Variants in NDE1 observed in about 807,000 individuals in gnomAD.
NDE1 encodes the protein nudE neurodevelopment protein 1, also known as nuclear distribution protein nudE homolog 1.
In NDE1, 28 loss-of-function variants were observed where a neutral mutation model predicts 43.4. That is an observed-to-expected ratio of 0.65 (90% confidence interval 0.48 to 0.89). The LOEUF is 0.89. Among genes scored for constraint, NDE1 ranks in the 40% least tolerant of loss-of-function variants. The probability of loss-of-function intolerance (pLI) is 0.00; values close to 1 mark genes in which losing one functional copy is unlikely to be tolerated. For synonymous variants in NDE1, 184 were observed against 172.0 expected (o/e 1.07, Z -0.55); for missense variants, 441 against 434.1 (o/e 1.02, Z -0.14).
chr16:15,691,321 G>C lies in NDE1; in HGVS notation c.701G>C (p.Arg234Pro), dbSNP rs138255766. ...SSLNTPGSFR[R>P]GLDDSTGGTP... is the part of the protein sequence containing the mutation. ...TTAAACACACCTGGGAGCTTCAGAC[G>C]TGGTAAGGGGAGTGGGAATTGCAGG... Residue 234 changes from arginine (R) to proline (P), a missense_variant and splice_region_variant, in exon 6 of 9, where the codon CGT becomes CCT. Arg to Pro is a moderately radical substitution (Grantham distance 103, BLOSUM62 -2). Transcript: ENST00000396354. The C allele has an allele frequency of 1.8e-5, 29 of 1,613,900 alleles. No individual in the cohort carries two copies. Among genetic ancestry groups the C allele is most frequent in the Middle Eastern group, 1.6e-4 (1 of 6,084 alleles).
At chr16:15,656,146 A>G (rs2036757415) in intron 1 of NDE1, among the ~76,000 whole-genome samples, 1 of 151,690 alleles carries the variant, frequency 6.6e-6, no homozygotes, top group Admixed American at 6.6e-5. Flanking sequence ...AAAGAAAAAG[A>G]AAAAAAAAGA....
intron 6 of NDE1, 29 bp from the exon 7 acceptor site, chr16:15,694,136 G>T: frequency 1.2e-6 from 2 of 1,611,086 alleles, no homozygotes; most frequent in Non-Finnish European, 8.5e-7. Flanking sequence ...AGGTTGGTGA[G>T]TTACATGCTC....
intron 8 of NDE1, chr16:15,721,157 C>T: frequency 7.8e-7 from 1 of 1,283,784 alleles, no homozygotes; most frequent in Non-Finnish European, 1.1e-6. Flanking sequence ...GTGGCTTTGG[C>T]CTCCCACAGG....
chr16:15,661,383 C>T (rs1402018898), intron 1 of NDE1, among the ~76,000 whole-genome samples: 1 of 152,118 alleles, frequency 6.6e-6, no homozygotes, highest in African/African-American at 2.4e-5. Flanking sequence ...CTCCTAACCT[C>T]GTGATCCACC....
chr16:15,720,296 G>A lies in NDE1; in HGVS notation c.948-3895G>A, dbSNP rs376105806. On this transcript the variant is annotated intron_variant, in intron 8 of 8. Coordinates refer to ENST00000396354, the MANE Select transcript of NDE1 (RefSeq NM_017668.3). ...TTGCTTTCGCTCGTCTTCCAGTTCCGTCTCATACTCGTGAAGCTGGGCGAG... is the reference window on the plus strand; with the variant it reads ...TTGCTTTCGCTCGTCTTCCAGTTCCATCTCATACTCGTGAAGCTGGGCGAG... 22 of 1,613,992 alleles carry A rather than the reference G, an allele frequency of 1.4e-5. No individual in the cohort carries two copies. Among genetic ancestry groups the A allele is most frequent in the South Asian group, 3.3e-5 (3 of 91,068 alleles).
chr16:15,721,325 T>C (rs1012702832), intron 8 of NDE1: 17 of 1,382,906 alleles, frequency 1.2e-5, no homozygotes, highest in Non-Finnish European at 1.6e-5. Context: ...TAGTTCGCTA[T>C]GAAAAAGGCC....
intron 3 of NDE1, among the ~76,000 whole-genome samples, chr16:15,676,313 G>A (rs140110232): frequency 1.4e-5 from 2 of 144,882 alleles, no homozygotes; most frequent in African/African-American, 2.6e-5. Context: ...GTGTTCAAGC[G>A]ATTCTCCCGC....
intron 3 of NDE1, 49 bp downstream of exon 3, chr16:15,667,488 C>G: frequency 6.2e-7 from 1 of 1,606,434 alleles, no homozygotes; most frequent in South Asian, 1.1e-5. Context: ...GCGTCCAACA[C>G]AGGCATGGCA....
intron 3 of NDE1, among the ~76,000 whole-genome samples, chr16:15,668,016 G>A (rs913571308): frequency 1.3e-5 from 2 of 151,358 alleles, no homozygotes; most frequent in African/African-American, 4.9e-5. Flanking sequence ...CCAGACTGGA[G>A]TACAGTGGCT....
chr16:15,720,388 C>G (rs999698534), intron 8 of NDE1: 1 of 1,538,458 alleles, frequency 6.5e-7, no homozygotes. Flanking sequence ...CAGCACATCA[C>G]TGCACCCCTT....
intron 8 of NDE1, among the ~76,000 whole-genome samples, chr16:15,705,772 G>T (rs11862637): frequency 1.3e-5 from 2 of 151,620 alleles, no homozygotes; most frequent in Non-Finnish European, 2.9e-5. Context: ...ATGAGGTCAG[G>T]AGATCGAGAC....
chr16:15,680,883 A>AT (rs1180140779), intron 4 of NDE1, among the ~76,000 whole-genome samples: 1 of 151,438 alleles, frequency 6.6e-6, no homozygotes, highest in East Asian at 1.9e-4. Context: ...ATTGAAAATA[A>AT]TTTTTTCCGT....
intron 8 of NDE1, chr16:15,703,511 C>T (rs2039294873): frequency 3.4e-6 from 1 of 290,266 alleles, no homozygotes; most frequent in Admixed American, 4.6e-5. Context: ...GAGGATGTGT[C>T]TGTGTTTCCT....
At chr16:15,692,145 T>C (rs1421943319) in intron 6 of NDE1, among the ~76,000 whole-genome samples, 2 of 152,156 alleles carry the variant, frequency 1.3e-5, no homozygotes, top group Non-Finnish European at 2.9e-5. Flanking sequence ...CAGATATTAA[T>C]AACAGACAGT....
intron 1 of NDE1, among the ~76,000 whole-genome samples, chr16:15,663,306 C>T (rs1447830008): frequency 6.6e-6 from 1 of 150,804 alleles, no homozygotes; most frequent in Admixed American, 6.6e-5. Flanking sequence ...GCGGCACGAT[C>T]TCAGCTCACT....
intron 8 of NDE1, among the ~76,000 whole-genome samples, chr16:15,702,354 T>C (rs977678529): frequency 7.2e-5 from 11 of 152,222 alleles, no homozygotes; most frequent in Non-Finnish European, 1.5e-5. Flanking sequence ...CAAGACCATA[T>C]GTAGCCTGTA....
At chr16:15,655,476 A>AAATCTTAT (rs1460886427) in intron 1 of NDE1, among the ~76,000 whole-genome samples, 2 of 152,220 alleles carry the variant, frequency 1.3e-5, no homozygotes, top group African/African-American at 4.8e-5. Context: ...GCAAAGGCAA[A>AAATCTTAT]AATCTTATAC....
At position 15,725,354 on chromosome 16, in the gene NDE1, G is replaced by C; in HGVS notation, c.*1103G>C. The stretch of plus-strand genomic sequence containing the variant: ...GCAGCAGGTCTGAGAGTCCAGACGA[G>C]GTGCTCTGGCTGGTCCACTCTCTAA... On this transcript the variant is annotated 3_prime_UTR_variant, in exon 9 of 9. Coordinates refer to ENST00000396354, the MANE Select transcript of NDE1 (RefSeq NM_017668.3). 1.8e-6 allele frequency: 1 copy of C among 558,318 alleles called. No individual in the cohort carries two copies. The highest frequency in any genetic ancestry group is 3.1e-6 in the Non-Finnish European group (1 of 317,638). 34.6% of individuals were successfully genotyped at this position (558,318 alleles called of 1,614,324 possible). A position where few individuals can be genotyped will look rare whatever the true frequency, so the allele number is the denominator to read the frequency against.
At chr16:15,679,457 TTC>T (rs1596594878) in intron 4 of NDE1, among the ~76,000 whole-genome samples, 2 of 152,224 alleles carry the variant, frequency 1.3e-5, no homozygotes. Flanking sequence ...ATTGAATAAT[TTC>T]TGTTTATCCA....
Sources: allele counts gnomAD v4.1 joint callset (sites outside exome capture counted in the v4.1 genomes callset), GRCh38; gene constraint gnomAD v4.1.1; transcripts MANE v1.5; gene names NCBI Gene and HGNC (gene_info 2026-07-23, HGNC 2026-07-21).